Variants in GRIP2 observed in about 807,000 individuals in gnomAD.
The protein encoded by GRIP2 is glutamate receptor interacting protein 2.
GRIP2 carries 58 observed loss-of-function variants against 108.3 expected under a neutral mutation model. That is an observed-to-expected ratio of 0.54 (90% CI 0.43 to 0.67). The LOEUF is 0.67. Among genes scored for constraint, GRIP2 ranks in the 30% least tolerant of loss-of-function variants. The probability of loss-of-function intolerance (pLI) is 0.00; values close to 1 mark genes in which losing one functional copy is unlikely to be tolerated. For missense variants in GRIP2, 1,278 were observed against 1,430.6 expected (o/e 0.89, Z 1.72); for synonymous variants, 586 against 598.2 (o/e 0.98, Z 0.30).
At chr3:14,580,015 G>T in the GRIP2 span, among the ~76,000 whole-genome samples, 13 of 152,314 alleles carry the variant, frequency 8.5e-5, no homozygotes, top group African/African-American at 2.9e-4. Context: ...GGCAGTGTAT[G>T]GCAGCCTCTC....
At chr3:14,601,861 G>A in the GRIP2 span, among the ~76,000 whole-genome samples, 1 of 152,224 alleles carries the variant, frequency 6.6e-6, no homozygotes, top group Non-Finnish European at 1.5e-5. Flanking sequence ...GAAGGTGGGA[G>A]GCCTGGAAAC....
At chr3:14,526,880 G>A (rs1349121705) in intron 1 of GRIP2, among the ~76,000 whole-genome samples, 1 of 152,176 alleles carries the variant, frequency 6.6e-6, no homozygotes, top group Non-Finnish European at 1.5e-5. Flanking sequence ...CAGCACCTGG[G>A]AACTTGTCAG....
Position 14,517,875 on chromosome 3 carries a change from C to A in GRIP2, c.1053G>T (p.Gln351His). ...GCACGCAGGGGTCCCAGCGGTGCAG[C>A]TGCTCACTCCTCTGCACTTTCACTG... ...SEAVKVQRSE[Q>H]LHRWDPCVPS... is the part of the protein sequence containing the mutation. The change falls in exon 10 of 24, where the codon CAG (glutamine) becomes CAT (histidine). Residue 351 changes from glutamine to histidine, a missense_variant. Physicochemically the swap from Gln to His is conservative, Grantham distance 24 (BLOSUM62 0). Coordinates refer to ENST00000621039, the MANE Select transcript of GRIP2 (RefSeq NM_001080423.4). 1 of 1,587,266 alleles carries A rather than the reference C, an allele frequency of 6.3e-7. No individual in the cohort carries two copies.
chr3:14,592,106 G>A, the GRIP2 span, among the ~76,000 whole-genome samples: 12 of 152,348 alleles, frequency 7.9e-5, no homozygotes, highest in Admixed American at 4.6e-4. Flanking sequence ...AAATGGCCAC[G>A]TGAATGCATC....
chr3:14,544,037 G>C (rs979770932), upstream of GRIP2, among the ~76,000 whole-genome samples: 17 of 152,198 alleles, frequency 1.1e-4, no homozygotes, highest in Non-Finnish European at 2.2e-4. Context: ...CCGTCAAATA[G>C]GCCAGAAACA....
Position 14,512,978 on chromosome 3 carries a change from T to C in GRIP2, c.1640-121A>G. ...CCCGAAAGTCACAGTTCTAATCTCA[T>C]CCCCCTGCTTCCTCTCAACAGAGGA... On this transcript the variant is annotated intron_variant, in intron 13 of 23. Coordinates refer to ENST00000621039, the MANE Select transcript of GRIP2 (RefSeq NM_001080423.4). This position sits in a 1 kb window ranked among gnomAD's most constrained non-coding sequence, Gnocchi z 5.1. 3.9e-6 allele frequency: 3 copies of C among 774,972 alleles called. No homozygotes were observed. The highest frequency in any genetic ancestry group is 2.6e-5 in the East Asian group (1 of 39,184). 48.0% of individuals were successfully genotyped at this position (774,972 alleles called of 1,614,324 possible).
the GRIP2 span, among the ~76,000 whole-genome samples, chr3:14,588,448 T>C: frequency 6.6e-6 from 1 of 152,106 alleles, no homozygotes; most frequent in African/African-American, 2.4e-5. Context: ...TCCTTTCTGC[T>C]GTCCTCAGAC....
At chr3:14,497,746 G>A (rs751584016) in intron 21 of GRIP2, among the ~76,000 whole-genome samples, 1 of 152,184 alleles carries the variant, frequency 6.6e-6, no homozygotes, top group Non-Finnish European at 1.5e-5. Flanking sequence ...GATCTGTTAG[G>A]GGTCATGTAG....
chr3:14,535,519 T>G, intron 1 of GRIP2, among the ~76,000 whole-genome samples: 1 of 152,240 alleles, frequency 6.6e-6, no homozygotes, highest in East Asian at 1.9e-4. Flanking sequence ...AAGTGCTGGT[T>G]TCTGTGCTTC....
rs372953885 is a variant in GRIP2, at chr3:14,505,153, T to C, written c.2573+462A>G. 1.3e-4 allele frequency among the ~76,000 whole-genome samples: 20 copies of C among 151,986 alleles called. No homozygotes were observed. The East Asian group carries it at 2.5e-3, about 19-fold the overall frequency. ...GATCAAAAGCACCACGATGGGAGGGTGGCCTGGGCCAGATGAGGAACAGCA... is the reference window on the plus strand; with the variant it reads ...GATCAAAAGCACCACGATGGGAGGGCGGCCTGGGCCAGATGAGGAACAGCA... On this transcript the variant is annotated intron_variant, in intron 20 of 23. Coordinates refer to ENST00000621039, the MANE Select transcript of GRIP2 (RefSeq NM_001080423.4). This position sits in a 1 kb window ranked among gnomAD's most constrained non-coding sequence, Gnocchi z 4.2.
At chr3:14,602,757 C>T in the GRIP2 span, among the ~76,000 whole-genome samples, 1 of 151,820 alleles carries the variant, frequency 6.6e-6, no homozygotes, top group African/African-American at 2.4e-5. The surrounding 1 kb of genome is among the most constrained non-coding windows in gnomAD (Gnocchi z 4.7). Context: ...CCAGGCTCCC[C>T]ACTTTGGGAC....
chr3:14,520,844 C>A, intron 7 of GRIP2: 1 of 397,258 alleles, frequency 2.5e-6, no homozygotes, highest in Admixed American at 3.7e-5. Context: ...CAGCACTAAA[C>A]TGTAAAGTTC....
the GRIP2 span, among the ~76,000 whole-genome samples, chr3:14,582,036 G>A: frequency 6.6e-6 from 1 of 152,196 alleles, no homozygotes; most frequent in South Asian, 2.1e-4. Flanking sequence ...AGACAGGCTA[G>A]GGGAGACGAG....
In GRIP2 at chr3:14,512,733, T is replaced by C. The variant is rs770849621; in HGVS notation, c.1720+44A>G. The C allele has an allele frequency of 7.0e-6, 11 of 1,573,796 alleles. No individual in the cohort carries two copies. The highest frequency in any genetic ancestry group is 2.2e-5 in the South Asian group (2 of 89,890). ...TTGGCAAGCTCTTTTTCCCCAGCAG[T>C]TGAGCTCGCTCCCAGGGGCAAACAG... On this transcript the variant is annotated intron_variant, in intron 14 of 23. Transcript: ENST00000621039. The surrounding 1 kb of genome is among the most constrained non-coding windows in gnomAD (Gnocchi z 5.1).
At position 14,507,623 on chromosome 3, in the gene GRIP2, G is replaced by A; in HGVS notation, c.2156C>T (p.Ala719Val). The A allele has an allele frequency of 6.2e-7, 1 of 1,614,036 alleles. No homozygotes were observed. Among genetic ancestry groups the A allele is most frequent in the Non-Finnish European group, 8.5e-7 (1 of 1,179,880 alleles). The change falls in exon 18 of 24, where the codon GCC becomes GTC. Residue 719 changes from alanine to valine, a missense_variant. Transcript: ENST00000621039. This position sits in a 1 kb window ranked among gnomAD's most constrained non-coding sequence, Gnocchi z 4.6. ...VSLKGRPLSE[A>V]IHLLQVAGET... ...TCCAGCCACCTGCAGGAGGTGGATG[G>A]CCTCGCTCAGCGGCCGGCCCTTGAG...
the GRIP2 span, among the ~76,000 whole-genome samples, chr3:14,593,700 G>C: frequency 6.6e-6 from 1 of 152,216 alleles, no homozygotes; most frequent in Non-Finnish European, 1.5e-5. Flanking sequence ...AGGCATTGAG[G>C]TTCCTCGATA....
the GRIP2 span, among the ~76,000 whole-genome samples, chr3:14,594,247 CT>C: frequency 3.3e-5 from 5 of 152,244 alleles, no homozygotes; most frequent in Non-Finnish European, 7.3e-5. Flanking sequence ...ACAATTGTCT[CT>C]TTCACAGTCT....
intron 1 of GRIP2, among the ~76,000 whole-genome samples, chr3:14,536,432 C>G (rs570950380): frequency 9.3e-4 from 142 of 152,302 alleles, no homozygotes; most frequent in African/African-American, 3.3e-3. Flanking sequence ...AACAGGAGGG[C>G]AACAGACCCC....
In GRIP2 at chr3:14,517,150, C is replaced by A. The variant is rs1449649786; in HGVS notation, c.1220G>T (p.Ser407Ile). The A allele has an allele frequency of 6.2e-7, 1 of 1,609,702 alleles. No homozygotes were observed. Among genetic ancestry groups the A allele is most frequent in the Admixed American group, 1.7e-5 (1 of 59,128 alleles). The change falls in exon 11 of 24, where the codon AGC becomes ATC. Residue 407 changes from serine (S) to isoleucine (I), a missense_variant. Physicochemically the swap from Ser to Ile is moderately radical, Grantham distance 142. Transcript: ENST00000621039. ...GGGCTGGGATCCACGGGGAAGGGTG[C>A]TGGGGTTGTTGCAGGAAAAGGCGTG... ...LNHAFSCNNP[S>I]TLPRGSQPMS...
Sources: gnomAD v4.1 joint callset for allele counts (sites outside exome capture counted in the v4.1 genomes callset) on GRCh38, gnomAD v4.1.1 for gene constraint, Gnocchi (gnomAD v3.1) non-coding constraint, MANE v1.5 for transcripts, NCBI Gene and HGNC (gene_info 2026-07-23, HGNC 2026-07-21) for gene names.